The following NCKAP5 variants were observed in gnomAD, a reference collection of about 807,000 sequenced individuals.
The protein encoded by NCKAP5 is nck-associated protein 5.
NCKAP5 carries 92 observed loss-of-function variants against 167.0 expected under a neutral mutation model. The observed-to-expected ratio is 0.55, with a 90% CI of 0.47 to 0.66. The LOEUF (loss-of-function observed/expected upper bound fraction) is 0.66, where lower values mean the gene tolerates loss of function less well. Among genes scored for constraint, NCKAP5 ranks in the 30% least tolerant of loss-of-function variants. The pLI, the probability that NCKAP5 is intolerant of heterozygous loss-of-function variation, is 0.00. For synonymous variants in NCKAP5, 891 were observed against 877.4 expected, an observed-to-expected ratio of 1.02 and a Z score of -0.27; for missense variants, 2,378 against 2,315.0, an observed-to-expected ratio of 1.03 and a Z score of -0.56.
At chr2:133,112,527 T>C (rs1371023924) in intron 6 of NCKAP5, among the ~76,000 whole-genome samples, 1 of 151,314 alleles carries the variant, frequency 6.6e-6, no homozygotes, top group Non-Finnish European at 1.5e-5. Context: ...TACATGACAA[T>C]ACAGAGGCCT....
chr2:133,459,408 G>A (rs1434641265), intron 3 of NCKAP5, among the ~76,000 whole-genome samples: 2 of 152,134 alleles, frequency 1.3e-5, no homozygotes, highest in African/African-American at 2.4e-5. Flanking sequence ...TGGCTTATAT[G>A]AGTGTAAGGT....
chr2:133,133,314 G>C (rs966407730), intron 5 of NCKAP5, among the ~76,000 whole-genome samples: 10 of 152,198 alleles, frequency 6.6e-5, no homozygotes, highest in African/African-American at 2.2e-4. Flanking sequence ...GGGATGGCTT[G>C]AAGACACCTG....
In NCKAP5 at chr2:132,845,541, T is replaced by A. The variant is rs75770421; in HGVS notation, c.807+14951A>T. On this transcript the variant is annotated intron_variant, in intron 11 of 19. Transcript: ENST00000409261. ...AATGCACCACAACCATTTATGCATA[T>A]GTCATCATTCCTTACTGCTACTATT... 3.3e-3 allele frequency among the ~76,000 whole-genome samples: 501 copies of A among 152,310 alleles called. 2 individuals are homozygous for A. Among genetic ancestry groups the A allele is most frequent in the African/African-American group, 0.011 (457 of 41,576 alleles).
chr2:133,253,386 A>G (rs1010177372), intron 4 of NCKAP5, among the ~76,000 whole-genome samples: 1 of 152,242 alleles, frequency 6.6e-6, no homozygotes, highest in Non-Finnish European at 1.5e-5. Flanking sequence ...TCCTTATTTC[A>G]TGGAAGAGGC....
chr2:132,996,953 T>C (rs1369649344), intron 6 of NCKAP5, among the ~76,000 whole-genome samples: 5 of 152,218 alleles, frequency 3.3e-5, no homozygotes, highest in Admixed American at 1.3e-4. Context: ...CTGGTTATCT[T>C]TTCCAGGCCC....
chr2:133,414,603 G>C (rs1427363568), intron 3 of NCKAP5, among the ~76,000 whole-genome samples: 1 of 152,108 alleles, frequency 6.6e-6, no homozygotes, highest in African/African-American at 2.4e-5. Context: ...GTTATGAAAT[G>C]ATACTTTTTA....
rs532912361 is a variant in NCKAP5, at chr2:133,258,759, A to G, written c.143+44278T>C. ...AGATCCTGTCTCAATTAAAAAAAAA[A>G]AAGAAGAAGAAGAGAAGAAGAAAAC... is the stretch of plus-strand genomic sequence containing the variant. On this transcript the variant is annotated intron_variant, in intron 4 of 19. Coordinates refer to ENST00000409261, the MANE Select transcript of NCKAP5 (RefSeq NM_207363.3). 1.4e-3 allele frequency among the ~76,000 whole-genome samples: 220 copies of G among 152,080 alleles called. 1 individual carries two copies. Among genetic ancestry groups the G allele is most frequent in the Admixed American group, 3.5e-3 (54 of 15,286 alleles).
upstream of NCKAP5, among the ~76,000 whole-genome samples, chr2:133,572,723 T>C (rs1437918549): frequency 1.3e-5 from 2 of 152,124 alleles, no homozygotes; most frequent in Non-Finnish European, 2.9e-5. Flanking sequence ...TGGTCAGGAA[T>C]AGGAAGCACA....
Position 133,484,527 on chromosome 2 carries a change from T to C in NCKAP5, c.69+32931A>G, listed in dbSNP as rs559856548. Among the ~76,000 whole-genome samples the C allele has an allele frequency of 3.3e-5, 5 of 152,262 alleles. 1 individual carries two copies. The highest frequency in any genetic ancestry group is 1.3e-4 in the Admixed American group (2 of 15,284). ...CATAGAACAACATGACAAGATGGAT[T>C]AATCCTAATACAAGTTAAACATCCC... On this transcript the variant is annotated intron_variant, in intron 3 of 19. Coordinates refer to ENST00000409261, the MANE Select transcript of NCKAP5 (RefSeq NM_207363.3).
At chr2:132,725,824 T>A in intron 18 of NCKAP5, 65 bp from the exon 19 acceptor site, 10 of 1,513,686 alleles carry the variant, frequency 6.6e-6, no homozygotes, top group Middle Eastern at 1.7e-4. Flanking sequence ...GAGCATCCTG[T>A]GAGGATGCGA....
intron 8 of NCKAP5, among the ~76,000 whole-genome samples, chr2:132,959,328 A>T (rs527693617): frequency 6.6e-6 from 1 of 152,296 alleles, no homozygotes; most frequent in South Asian, 2.1e-4. Flanking sequence ...GCACAAAATA[A>T]ATCATTCCTA....
At chr2:133,354,300 T>G (rs1684562093) in intron 3 of NCKAP5, among the ~76,000 whole-genome samples, 1 of 151,938 alleles carries the variant, frequency 6.6e-6, no homozygotes, top group South Asian at 2.1e-4. Context: ...TTTCCTTTTT[T>G]TTTTTGAGAC....
At chr2:133,277,472 A>G (rs190142519) in intron 4 of NCKAP5, among the ~76,000 whole-genome samples, 1 of 152,234 alleles carries the variant, frequency 6.6e-6, no homozygotes. Flanking sequence ...TATAAAACCT[A>G]TCTGGGGAAA....
the NCKAP5 span, among the ~76,000 whole-genome samples, chr2:133,611,515 G>C: frequency 6.6e-6 from 1 of 152,198 alleles, no homozygotes; most frequent in Non-Finnish European, 1.5e-5. Flanking sequence ...TTGGCTATCA[G>C]TAAGAGACAA....
chr2:132,916,832 T>A (rs1694917996), intron 8 of NCKAP5, among the ~76,000 whole-genome samples: 2 of 150,728 alleles, frequency 1.3e-5, no homozygotes, highest in Non-Finnish European at 1.5e-5. Context: ...ATCTCTTTAC[T>A]TTTTTGGAGG....
At chr2:132,740,434 C>G (rs1679081757) in intron 16 of NCKAP5, among the ~76,000 whole-genome samples, 2 of 152,110 alleles carry the variant, frequency 1.3e-5, no homozygotes, top group Admixed American at 6.6e-5. Context: ...TTCTCTTTAT[C>G]TGAATGGCTG....
upstream of NCKAP5, among the ~76,000 whole-genome samples, chr2:133,570,461 G>A (rs1178111299): frequency 2.0e-5 from 3 of 152,180 alleles, no homozygotes; most frequent in Non-Finnish European, 4.4e-5. Context: ...CTCCCAGGAT[G>A]CAATGGTATG....
intron 9 of NCKAP5, among the ~76,000 whole-genome samples, chr2:132,871,616 A>T (rs919970359): frequency 2.6e-5 from 4 of 152,196 alleles, no homozygotes; most frequent in African/African-American, 9.6e-5. Context: ...AATATGTTAT[A>T]TCTCACAATC....
rs183670933 is a variant in NCKAP5 at position 133,373,950 on chromosome 2, A to C, written c.70-70840T>G. ...AAACTGAATCACAGATTTAAATGTA[A>C]AACACAGAATGGTAAAACCCTATAT... On this transcript the variant is annotated intron_variant, in intron 3 of 19. Transcript: ENST00000409261. 2.7e-3 allele frequency among the ~76,000 whole-genome samples: 415 copies of C among 152,380 alleles called. 1 individual carries two copies. Among genetic ancestry groups the C allele is most frequent in the Middle Eastern group, 6.8e-3 (2 of 294 alleles).
Sources: gnomAD v4.1 joint callset for allele counts (sites outside exome capture counted in the v4.1 genomes callset) on GRCh38, gnomAD v4.1.1 for gene constraint, MANE v1.5 for transcripts, NCBI Gene and HGNC (gene_info 2026-07-23, HGNC 2026-07-21) for gene names.